The following CTNNA2 variants were observed in gnomAD, a reference collection of about 807,000 sequenced individuals.
CTNNA2 encodes catenin alpha-2.
A neutral mutation model predicts 101.0 loss-of-function variants in CTNNA2; 42 were observed. That is an observed-to-expected ratio of 0.42 (90% CI 0.32 to 0.54). The LOEUF (loss-of-function observed/expected upper bound fraction) is 0.54. Among genes scored for constraint, CTNNA2 ranks in the 20% least tolerant of loss-of-function variants. The pLI is 0.14. For synonymous variants in CTNNA2, 450 were observed against 456.4 expected (o/e 0.99, Z 0.18); for missense variants, 871 against 1,223.1 (o/e 0.71, Z 4.29).
intron 2 of CTNNA2, among the ~76,000 whole-genome samples, chr2:79,678,552 A>G (rs539856047): frequency 5.3e-5 from 8 of 151,816 alleles, no homozygotes; most frequent in Admixed American, 3.3e-4. Flanking sequence ...CAAAAAAAAA[A>G]AAAAAGAAAA....
chr2:80,156,459 T>TAAG (rs1704002321), intron 7 of CTNNA2, among the ~76,000 whole-genome samples: 1 of 152,276 alleles, frequency 6.6e-6, no homozygotes, highest in Admixed American at 6.5e-5. Context: ...TTTGGATTTC[T>TAAG]AAGGTTCACT....
At chr2:80,370,629 G>C (rs1210437526) in intron 7 of CTNNA2, among the ~76,000 whole-genome samples, 2 of 152,032 alleles carry the variant, frequency 1.3e-5, no homozygotes, top group African/African-American at 4.8e-5. Context: ...AGAAAGCTGG[G>C]ATCTAATACA....
chr2:79,631,034 A>C (rs908832002), intron 1 of CTNNA2, among the ~76,000 whole-genome samples: 1 of 152,092 alleles, frequency 6.6e-6, no homozygotes, highest in Non-Finnish European at 1.5e-5. Flanking sequence ...CATTGATCAC[A>C]GGATCCTGTT....
chr2:79,747,024 T>C (rs1671697426), intron 3 of CTNNA2, among the ~76,000 whole-genome samples: 1 of 152,210 alleles, frequency 6.6e-6, no homozygotes, highest in Admixed American at 6.5e-5. Flanking sequence ...AATTCACAGC[T>C]GGATATTTAG....
At chr2:79,664,772 C>T (rs1362960417) in intron 2 of CTNNA2, among the ~76,000 whole-genome samples, 2 of 134,584 alleles carry the variant, frequency 1.5e-5, no homozygotes, top group African/African-American at 5.9e-5. Flanking sequence ...AGTGCAGTGG[C>T]GCGATCTCGG....
At chr2:80,345,808 A>C (rs1373724849) in intron 7 of CTNNA2, among the ~76,000 whole-genome samples, 1 of 152,144 alleles carries the variant, frequency 6.6e-6, no homozygotes, top group African/African-American at 2.4e-5. Context: ...TCTAAAGCTA[A>C]TGTATCTTCT....
chr2:79,806,991 T>C (rs1463149169), intron 3 of CTNNA2, among the ~76,000 whole-genome samples: 2 of 152,066 alleles, frequency 1.3e-5, no homozygotes, highest in African/African-American at 4.8e-5. Context: ...CCAACGCCCC[T>C]GTTTCTCTTT....
At chr2:80,146,087 G>A (rs1215142606) in intron 7 of CTNNA2, among the ~76,000 whole-genome samples, 7 of 152,184 alleles carry the variant, frequency 4.6e-5, no homozygotes, top group Admixed American at 3.9e-4. Context: ...TTGCAATGCT[G>A]TGAAAACCTC....
intron 3 of CTNNA2, among the ~76,000 whole-genome samples, chr2:79,852,029 C>G (rs914655108): frequency 6.6e-6 from 1 of 152,140 alleles, no homozygotes; most frequent in African/African-American, 2.4e-5. Context: ...TGAGCCACAA[C>G]ACCCGGCCTT....
chr2:80,037,321 T>A (rs1005778543), intron 7 of CTNNA2, among the ~76,000 whole-genome samples: 2 of 152,206 alleles, frequency 1.3e-5, no homozygotes, highest in African/African-American at 4.8e-5. Context: ...AAGTTCTTAA[T>A]TTGTCATGTC....
chr2:80,628,461 A>G (rs1398842442), intron 18 of CTNNA2, among the ~76,000 whole-genome samples: 1 of 151,442 alleles, frequency 6.6e-6, no homozygotes, highest in Non-Finnish European at 1.5e-5. Flanking sequence ...ATAACACCAC[A>G]CATCTACAAC....
chr2:80,096,524 A>T (rs1032077896), intron 7 of CTNNA2, among the ~76,000 whole-genome samples: 3 of 152,070 alleles, frequency 2.0e-5, no homozygotes, highest in Non-Finnish European at 4.4e-5. Context: ...TATTAGGTCC[A>T]CTTGGTGCAG....
At chr2:79,521,107 GATAT>G (rs59797728) in intron 1 of CTNNA2, among the ~76,000 whole-genome samples, 28 of 105,270 alleles carry the variant, frequency 2.7e-4, no homozygotes, top group South Asian at 6.5e-4. Flanking sequence ...CAAAGCTGCT[GATAT>G]ATATATATAT....
chr2:79,693,564 G>A (rs1230644148), intron 2 of CTNNA2, among the ~76,000 whole-genome samples: 1 of 151,928 alleles, frequency 6.6e-6, no homozygotes, highest in Non-Finnish European at 1.5e-5. Flanking sequence ...ATGATTCTAA[G>A]AAAGAGTGGG....
At chr2:79,805,433 G>A (rs1480569870) in intron 3 of CTNNA2, among the ~76,000 whole-genome samples, 1 of 152,166 alleles carries the variant, frequency 6.6e-6, no homozygotes, top group African/African-American at 2.4e-5. Context: ...GTCACATGAG[G>A]TCAGGTGTGA....
rs1695831757 is a variant in CTNNA2 at position 80,584,790 on chromosome 2, G to A, written c.2007+2971G>A. On this transcript the variant is annotated intron_variant, in intron 14 of 18. Coordinates refer to ENST00000402739, the MANE Select transcript of CTNNA2 (RefSeq NM_001282597.3). ...ATCACAGGATTTATCATATAAATAT[G>A]TAATAATTAAGTTGGTGGTAATGGT... 1.3e-5 allele frequency among the ~76,000 whole-genome samples: 2 copies of A among 152,102 alleles called. 1 individual carries two copies. The highest frequency in any genetic ancestry group is 1.3e-4 in the Admixed American group (2 of 15,258).
At chr2:80,252,430 C>T (rs1671838840) in intron 7 of CTNNA2, among the ~76,000 whole-genome samples, 1 of 152,144 alleles carries the variant, frequency 6.6e-6, no homozygotes, top group African/African-American at 2.4e-5. Flanking sequence ...CTGTGTAATG[C>T]TTAGTTCTTT....
At chr2:79,703,547 A>G (rs981926859) in intron 2 of CTNNA2, among the ~76,000 whole-genome samples, 1 of 152,178 alleles carries the variant, frequency 6.6e-6, no homozygotes, top group African/African-American at 2.4e-5. Context: ...TTACAGTTAG[A>G]ATGTTAAATT....
At chr2:80,278,844 T>A (rs894323281) in intron 7 of CTNNA2, among the ~76,000 whole-genome samples, 2 of 151,978 alleles carry the variant, frequency 1.3e-5, no homozygotes, top group African/African-American at 4.8e-5. Context: ...TGGGCACACC[T>A]GGGGTTCTAG....
Sources: allele counts gnomAD v4.1 joint callset (sites outside exome capture counted in the v4.1 genomes callset), GRCh38; gene constraint gnomAD v4.1.1; transcripts MANE v1.5; gene names NCBI Gene and HGNC (gene_info 2026-07-23, HGNC 2026-07-21).